FRMD4A: variants seen among roughly 807,000 people sequenced by gnomAD.
FRMD4A encodes the protein FERM domain-containing protein 4A.
Under a neutral mutation model 129.1 loss-of-function variants are expected in FRMD4A, and 29 were observed. The ratio of observed to expected loss-of-function variants is 0.22; its 90% CI spans 0.17 to 0.31. FRMD4A has a LOEUF of 0.31. FRMD4A is among the 10% of genes least tolerant of loss of function. FRMD4A has a pLI of 1.00. For synonymous variants in FRMD4A, 634 were observed against 571.6 expected (o/e 1.11, Z -1.56); for missense variants, 1,272 against 1,375.8 (o/e 0.92, Z 1.19).
intron 2 of FRMD4A, among the ~76,000 whole-genome samples, chr10:14,034,453 C>T (rs1298029060): frequency 6.6e-6 from 1 of 152,208 alleles, no homozygotes; most frequent in African/African-American, 2.4e-5. Context: ...GGCTGTGGAA[C>T]AGCCATGGGA....
intron 2 of FRMD4A, among the ~76,000 whole-genome samples, chr10:14,246,678 T>G (rs1276708635): frequency 6.6e-6 from 1 of 152,180 alleles, no homozygotes; most frequent in Non-Finnish European, 1.5e-5. Flanking sequence ...TTAAGTTACT[T>G]TGACTAAACA....
At chr10:14,190,490 G>A (rs1258040258) in intron 2 of FRMD4A, among the ~76,000 whole-genome samples, 5 of 152,132 alleles carry the variant, frequency 3.3e-5, no homozygotes, top group Non-Finnish European at 7.3e-5. Flanking sequence ...TGCCTCCCGA[G>A]TAGCTGAGAC....
intron 5 of FRMD4A, among the ~76,000 whole-genome samples, chr10:13,789,150 T>A (rs1463822920): frequency 6.6e-6 from 1 of 152,196 alleles, no homozygotes; most frequent in Non-Finnish European, 1.5e-5. Flanking sequence ...ATGCTTAGAA[T>A]CTCAATGCCT....
intron 2 of FRMD4A, among the ~76,000 whole-genome samples, chr10:14,062,964 T>C (rs1834883686): frequency 1.3e-5 from 2 of 152,270 alleles, no homozygotes; most frequent in South Asian, 4.1e-4. Context: ...ATCCTAGTGG[T>C]TTTGCCTATA....
intron 2 of FRMD4A, among the ~76,000 whole-genome samples, chr10:14,142,631 T>G (rs74462311): frequency 9.1e-4 from 138 of 152,280 alleles, no homozygotes; most frequent in African/African-American, 3.1e-3. Context: ...CCTTGAAAAA[T>G]TATATAATCC....
At chr10:13,650,562 G>A (rs542100427) in intron 24 of FRMD4A, among the ~76,000 whole-genome samples, 23 of 152,216 alleles carry the variant, frequency 1.5e-4, no homozygotes, top group South Asian at 1.0e-3. Flanking sequence ...CTCCCATACC[G>A]GGGGAGAAAA....
At chr10:13,871,682 A>G (rs1478491812) in intron 2 of FRMD4A, among the ~76,000 whole-genome samples, 1 of 152,182 alleles carries the variant, frequency 6.6e-6, no homozygotes, top group Non-Finnish European at 1.5e-5. Flanking sequence ...TGGCCTGCAG[A>G]GAAGGGCACG....
intron 4 of FRMD4A, among the ~76,000 whole-genome samples, chr10:13,806,603 G>C (rs77789072): frequency 1.3e-3 from 200 of 152,252 alleles, no homozygotes; most frequent in East Asian, 1.9e-3. Context: ...GAGAGCACAG[G>C]AAATACTGCA....
intron 2 of FRMD4A, among the ~76,000 whole-genome samples, chr10:14,202,067 G>T (rs145800697): frequency 0.027 from 4,171 of 152,200 alleles, 84 homozygotes; most frequent in Admixed American, 0.048. Context: ...GAACCCGGGA[G>T]GGGGAGGTTG....
Position 13,646,391 on chromosome 10 carries a change from A to AACTT in FRMD4A, c.*643_*646dup, listed in dbSNP as rs1340849418. The stretch of plus-strand genomic sequence containing the variant: ...CCTCCGATGCATTTCTGGTGTCGAG[A>AACTT]ACTTCCTTTCTCAACCTCCCCTTCC... On this transcript the variant is annotated 3_prime_UTR_variant, in exon 25 of 25. Coordinates refer to ENST00000357447, the MANE Select transcript of FRMD4A (RefSeq NM_018027.5). 1 of 152,552 alleles carries AACTT rather than the reference A, an allele frequency of 6.6e-6. No homozygotes were observed. Among genetic ancestry groups the AACTT allele is most frequent in the African/African-American group, 2.4e-5 (1 of 41,488 alleles). 9.4% of individuals were successfully genotyped at this position (152,552 alleles called of 1,614,324 possible).
rs1373030430 is a variant in FRMD4A, at chr10:13,657,056, C to T, written c.2533G>A (p.Ala845Thr). The change falls in exon 22 of 25, where the codon GCC (alanine) becomes ACC (threonine). Residue 845 changes from alanine to threonine, a missense_variant. Coordinates refer to ENST00000357447, the MANE Select transcript of FRMD4A (RefSeq NM_018027.5). ...AGGCTGCGCACCACCACGGGCGTGGCGCCGCCCTCGATGTACAGCGGGTAC... is the reference window on the plus strand; with the variant it reads ...AGGCTGCGCACCACCACGGGCGTGGTGCCGCCCTCGATGTACAGCGGGTAC... ...KEYPLYIEGG[A>T]TPVVVRSLES... 2.0e-5 allele frequency: 32 copies of T among 1,572,540 alleles called. No individual in the cohort carries two copies. In the Admixed American group the frequency reaches 5.0e-4, roughly 25 times the overall value.
intron 2 of FRMD4A, among the ~76,000 whole-genome samples, chr10:14,262,034 C>T (rs951568348): frequency 4.6e-5 from 7 of 151,326 alleles, no homozygotes; most frequent in East Asian, 3.9e-4. Context: ...TCTCCCTCTC[C>T]ACCTCTCTTT....
intron 18 of FRMD4A, 123 bp downstream of exon 18, chr10:13,665,974 A>G (rs2083000534): frequency 1.6e-5 from 11 of 675,892 alleles, no homozygotes; most frequent in Non-Finnish European, 2.9e-5. Flanking sequence ...TGGATGGACA[A>G]ATGAAGGCAG....
At chr10:13,999,115 G>A (rs1168371401) in intron 2 of FRMD4A, among the ~76,000 whole-genome samples, 1 of 152,038 alleles carries the variant, frequency 6.6e-6, no homozygotes, top group Non-Finnish European at 1.5e-5. Flanking sequence ...TGCCCTCTGT[G>A]TGGGATGTTC....
At chr10:14,239,714 A>G (rs1260184226) in intron 2 of FRMD4A, among the ~76,000 whole-genome samples, 1 of 152,196 alleles carries the variant, frequency 6.6e-6, no homozygotes, top group Non-Finnish European at 1.5e-5. Context: ...AAATGTAACT[A>G]CTGAAACTAC....
At chr10:13,930,561 T>C (rs1027744505) in intron 2 of FRMD4A, among the ~76,000 whole-genome samples, 1 of 152,146 alleles carries the variant, frequency 6.6e-6, no homozygotes, top group African/African-American at 2.4e-5. Context: ...GTGTTGAAAA[T>C]GATTCTCTCT....
chr10:13,959,471 T>TAAAAAA (rs56192445), intron 2 of FRMD4A, among the ~76,000 whole-genome samples: 3 of 53,110 alleles, frequency 5.6e-5, no homozygotes, highest in African/African-American at 1.5e-4. Context: ...GACTGTTTCA[T>TAAAAAA]AAAAAAAAAA....
At chr10:13,813,587 C>G (rs2093485654) in intron 3 of FRMD4A, among the ~76,000 whole-genome samples, 1 of 152,196 alleles carries the variant, frequency 6.6e-6, no homozygotes, top group Admixed American at 6.5e-5. Flanking sequence ...CTTAGCCTAG[C>G]CTACCTTAAA....
At chr10:13,965,066 T>C (rs946762533) in intron 2 of FRMD4A, among the ~76,000 whole-genome samples, 1 of 46,576 alleles carries the variant, frequency 2.1e-5, no homozygotes, top group African/African-American at 9.2e-5. Flanking sequence ...CCACTGGGCA[T>C]TTTTTTTTTT....
Sources: allele counts gnomAD v4.1 joint callset (sites outside exome capture counted in the v4.1 genomes callset), GRCh38; gene constraint gnomAD v4.1.1; transcripts MANE v1.5; gene names NCBI Gene and HGNC (gene_info 2026-07-23, HGNC 2026-07-21).